PARP16: variants seen among roughly 807,000 people sequenced by gnomAD.
PARP16 encodes the protein poly(ADP-ribose) polymerase family member 16, also known as protein mono-ADP-ribosyltransferase PARP16.
PARP16 carries 31 observed loss-of-function variants against 35.0 expected under a neutral mutation model. The ratio of observed to expected loss-of-function variants is 0.88; its 90% CI spans 0.66 to 1.19. The LOEUF (loss-of-function observed/expected upper bound fraction) is 1.19. Ranked by LOEUF, PARP16 falls within the 50% of genes most tolerant of loss-of-function variation. The pLI, the probability that PARP16 is intolerant of heterozygous loss-of-function variation, is 0.00. For synonymous variants in PARP16, 162 were observed against 169.5 expected, an observed-to-expected ratio of 0.96 and a Z score of 0.34; for missense variants, 424 against 411.2, an observed-to-expected ratio of 1.03 and a Z score of -0.27.
intron 1 of PARP16, among the ~76,000 whole-genome samples, chr15:65,274,024 C>A (rs2090173054): frequency 6.6e-6 from 1 of 152,088 alleles, no homozygotes; most frequent in African/African-American, 2.4e-5. Context: ...ACAAACACAG[C>A]TCACTGCAGG....
At chr15:65,237,914 G>C (rs546169389) in intron 3 of PARP16, among the ~76,000 whole-genome samples, 1 of 152,172 alleles carries the variant, frequency 6.6e-6, no homozygotes, top group Non-Finnish European at 1.5e-5. Flanking sequence ...GGGGTGCCCC[G>C]GGCTCAGTTC....
chr15:65,286,843 T>G lies in PARP16; in HGVS notation c.-417A>C. ...CCGGGGGACGGCGGGCAGAGCCCAC[T>G]CTCCGCGACGGGCGAGGCTGCTGCG... On this transcript the variant is annotated 5_prime_UTR_variant, in exon 1 of 6. Coordinates refer to ENST00000649807, the MANE Select transcript of PARP16 (RefSeq NM_001316943.2). The G allele has an allele frequency of 6.0e-6, 1 of 167,562 alleles. No homozygotes were observed. The allele number at this position is 167,562 out of a possible 1,614,324, so 10.4% of individuals were successfully genotyped here. A position where few individuals can be genotyped will look rare whatever the true frequency, so the allele number is the denominator to read the frequency against.
intron 3 of PARP16, among the ~76,000 whole-genome samples, chr15:65,242,529 C>A (rs1025294826): frequency 1.3e-5 from 2 of 152,132 alleles, no homozygotes; most frequent in Admixed American, 1.3e-4. Flanking sequence ...TTATTTATAT[C>A]TTCTTTAATT....
rs758824642 is a variant in PARP16, at chr15:65,260,911, C to A, written c.807G>T (p.Leu269=). The part of the protein sequence containing the change: ...NNQLLRVKYL[L]VYSQKPPKRA... ...TCTTGGGTGGCTTCTGTGAATACAC[C>A]AGGAGGTACTTCACTCGCAGCAGCT... The change falls in exon 5 of 6, where the codon CTG becomes CTT. Residue 269 remains leucine, a synonymous_variant. Transcript: ENST00000649807. The A allele has an allele frequency of 1.2e-6, 2 of 1,613,892 alleles. No homozygotes were observed. Among genetic ancestry groups the A allele is most frequent in the South Asian group, 2.2e-5 (2 of 91,058 alleles).
downstream of PARP16, among the ~76,000 whole-genome samples, chr15:65,256,331 TAG>T (rs2089507024): frequency 6.6e-6 from 1 of 151,922 alleles, no homozygotes; most frequent in Non-Finnish European, 1.5e-5. Context: ...AACCACCAGC[TAG>T]AGTGATTTTT....
chr15:65,250,993 C>T (rs959460840), intron 2 of PARP16, among the ~76,000 whole-genome samples: 13 of 152,206 alleles, frequency 8.5e-5, no homozygotes, highest in Admixed American at 3.9e-4. Context: ...AAGCGATTCT[C>T]GTGCCTCAGC....
At chr15:65,250,753 G>A (rs1344213026) in intron 2 of PARP16, among the ~76,000 whole-genome samples, 3 of 152,118 alleles carry the variant, frequency 2.0e-5, no homozygotes, top group Admixed American at 6.5e-5. Context: ...ACTTTGATGG[G>A]CCCTGAGGTT....
rs186348556 is a variant in PARP16 at position 65,266,131 on chromosome 15, G to A, written c.519+431C>T. ...TTTAGTATGGATGGGGTTTCACCAC[G>A]TTGGCCAGGCTGGTCTGGAACTCCC... On this transcript the variant is annotated intron_variant, in intron 3 of 5. Transcript: ENST00000649807. Among the ~76,000 whole-genome samples the A allele has an allele frequency of 4.3e-4, 66 of 152,094 alleles. No individual in the cohort carries two copies. In the East Asian group the frequency reaches 9.9e-3, roughly 23 times the overall value.
chr15:65,286,591 G>C lies in PARP16; in HGVS notation c.-165C>G. 2.0e-6 allele frequency: 1 copy of C among 501,300 alleles called. No individual in the cohort carries two copies. Among genetic ancestry groups the C allele is most frequent in the Non-Finnish European group, 3.5e-6 (1 of 288,962 alleles). The allele number at this position is 501,300 out of a possible 1,614,324, so 31.1% of individuals were successfully genotyped here. On this transcript the variant is annotated 5_prime_UTR_variant, in exon 1 of 6. Transcript: ENST00000649807. Reference sequence around the variant, plus strand: ...GCTGAGATGACAGGGGTGAGAACGTGCCGACAAGTGTCCTCTGCCGGGGTC... The same window carrying C: ...GCTGAGATGACAGGGGTGAGAACGTCCCGACAAGTGTCCTCTGCCGGGGTC...
In PARP16 at chr15:65,260,968, G is replaced by A; in HGVS notation, c.750C>T (p.Ile250=). The A allele has an allele frequency of 6.2e-7, 1 of 1,611,412 alleles. No homozygotes were observed. The highest frequency in any genetic ancestry group is 8.5e-7 in the Non-Finnish European group (1 of 1,177,576). The change falls in exon 5 of 6, where the codon ATC becomes ATT. Residue 250 remains isoleucine (I), a synonymous_variant. Transcript: ENST00000649807. Reference sequence around the variant, plus strand: ...TGGTGACCACGAAGTACTTGGGAGGGATGTCTCCCCCTTCACTATGTTTGA... The same window carrying A: ...TGGTGACCACGAAGTACTTGGGAGGAATGTCTCCCCCTTCACTATGTTTGA... The part of the protein sequence containing the change: ...ARIKHSEGGD[I]PPKYFVVTNN...
intron 3 of PARP16, among the ~76,000 whole-genome samples, chr15:65,266,322 A>G (rs1029743198): frequency 6.6e-6 from 1 of 152,162 alleles, no homozygotes; most frequent in Non-Finnish European, 1.5e-5. Context: ...TCACCTAGAG[A>G]TCTTGTTAAA....
Position 65,266,731 on chromosome 15 carries a change from G to A in PARP16, c.350C>T (p.Thr117Met), listed in dbSNP as rs147698969. Residue 117 changes from threonine to methionine, a missense_variant, in exon 3 of 6, where the codon ACG becomes ATG. Transcript: ENST00000649807. The stretch of plus-strand genomic sequence containing the variant: ...CAGGAAGTCCGGTGCAGGAACAGGC[G>A]TGTGAGGAGCCCCAGTCAGCTTTTG... Reference protein sequence around the residue: ...KIQKLTGAPHTPVPAPDFLFE... With the variant: ...KIQKLTGAPHMPVPAPDFLFE... The A allele has an allele frequency of 1.9e-5, 31 of 1,613,944 alleles. No homozygotes were observed. Among genetic ancestry groups the A allele is most frequent in the East Asian group, 2.2e-5 (1 of 44,898 alleles).
In PARP16 at chr15:65,274,326, T is replaced by G. The variant is rs144213533; in HGVS notation, c.175-3254A>C. 4.5e-3 allele frequency among the ~76,000 whole-genome samples: 683 copies of G among 151,028 alleles called. 7 individuals are homozygous for G. The highest frequency in any genetic ancestry group is 0.013 in the Admixed American group (194 of 15,138). ...CTGTAATCCCAGCACTTTGGGAAGC[T>G]GAGGTGGGCGGAGCTCTTCAGTTCA... is the stretch of plus-strand genomic sequence containing the variant. On this transcript the variant is annotated intron_variant, in intron 1 of 5. Transcript: ENST00000649807.
chr15:65,260,076 A>G (rs562720571), intron 5 of PARP16, among the ~76,000 whole-genome samples: 1 of 152,318 alleles, frequency 6.6e-6, no homozygotes, highest in South Asian at 2.1e-4. Flanking sequence ...ACCAAAGCAT[A>G]ATGTCACCTG....
downstream of PARP16, among the ~76,000 whole-genome samples, chr15:65,233,104 T>C (rs2088799800): frequency 6.6e-6 from 1 of 152,220 alleles, no homozygotes; most frequent in African/African-American, 2.4e-5. Flanking sequence ...TTATAGTTAA[T>C]ACTGAACTGT....
At chr15:65,232,950 C>G (rs918055525), downstream of PARP16, among the ~76,000 whole-genome samples, 4 of 152,002 alleles carry the variant, frequency 2.6e-5, no homozygotes, top group Admixed American at 6.6e-5. Flanking sequence ...GGTGGTGCCA[C>G]TGCACTCCAG....
intron 1 of PARP16, among the ~76,000 whole-genome samples, chr15:65,278,225 C>T (rs539602129): frequency 2.6e-5 from 4 of 152,326 alleles, no homozygotes; most frequent in East Asian, 1.9e-4. Flanking sequence ...CTCCATTAGT[C>T]GTCTAAGGCC....
chr15:65,245,890 T>C (rs1356589903), intron 3 of PARP16, among the ~76,000 whole-genome samples: 1 of 152,148 alleles, frequency 6.6e-6, no homozygotes, highest in East Asian at 1.9e-4. Flanking sequence ...GCTTTCAATT[T>C]TTTTCAAGAG....
chr15:65,261,415 A>G (rs2140847127), intron 4 of PARP16, among the ~76,000 whole-genome samples: 1 of 147,810 alleles, frequency 6.8e-6, no homozygotes, highest in South Asian at 2.1e-4. Context: ...TATATATAAA[A>G]TGCCTGTTAA....
Sources: gnomAD v4.1 joint callset for allele counts (sites outside exome capture counted in the v4.1 genomes callset) on GRCh38, gnomAD v4.1.1 for gene constraint, MANE v1.5 for transcripts, NCBI Gene and HGNC (gene_info 2026-07-23, HGNC 2026-07-21) for gene names.